The following JARID2 variants were observed in gnomAD, a reference collection of about 807,000 sequenced individuals.
The protein encoded by JARID2 is protein Jumonji.
A neutral mutation model predicts 125.6 loss-of-function variants in JARID2; 21 were observed. The observed-to-expected ratio is 0.17, with a 90% CI of 0.12 to 0.24. JARID2 has a LOEUF of 0.24. Among genes scored for constraint, JARID2 ranks in the 10% least tolerant of loss-of-function variants. The pLI is 1.00. For synonymous variants in JARID2, 736 were observed against 661.6 expected, an observed-to-expected ratio of 1.11 and a Z score of -1.73; for missense variants, 1,303 against 1,639.6, an observed-to-expected ratio of 0.79 and a Z score of 3.55.
intron 1 of JARID2, among the ~76,000 whole-genome samples, chr6:15,301,453 G>A (rs1056424003): frequency 4.6e-5 from 7 of 151,964 alleles, no homozygotes; most frequent in African/African-American, 1.2e-4. Context: ...CCTCTCACCC[G>A]GGTTTCATCT....
At chr6:15,403,484 A>G (rs1765521097) in intron 2 of JARID2, among the ~76,000 whole-genome samples, 1 of 152,110 alleles carries the variant, frequency 6.6e-6, no homozygotes, top group Non-Finnish European at 1.5e-5. Context: ...AATAGGAGAT[A>G]TCTGCTGGGT....
intron 3 of JARID2, among the ~76,000 whole-genome samples, chr6:15,447,570 C>A (rs1332364983): frequency 6.6e-6 from 1 of 152,178 alleles, no homozygotes. Flanking sequence ...CTCTTCAACC[C>A]CAGGAACCCC....
At chr6:15,469,424 T>TTTTCCTTTC (rs1287841422) in intron 5 of JARID2, among the ~76,000 whole-genome samples, 1 of 98,970 alleles carries the variant, frequency 1.0e-5, no homozygotes, top group Non-Finnish European at 2.0e-5. Flanking sequence ...GCTTCTCCGC[T>TTTTCCTTTC]TTTCCTTTCT....
intron 1 of JARID2, among the ~76,000 whole-genome samples, chr6:15,333,476 G>A (rs1022233214): frequency 3.3e-4 from 50 of 152,096 alleles, no homozygotes; most frequent in Admixed American, 3.1e-3. Flanking sequence ...CGTGTATGGC[G>A]TCTTTCACTT....
chr6:15,463,242 A>G (rs1228896086), intron 4 of JARID2, among the ~76,000 whole-genome samples: 1 of 152,128 alleles, frequency 6.6e-6, no homozygotes, highest in African/African-American at 2.4e-5. Context: ...AACCTCTAAA[A>G]CATACAGCTT....
At chr6:15,407,419 G>T (rs537937889) in intron 2 of JARID2, among the ~76,000 whole-genome samples, 1 of 152,278 alleles carries the variant, frequency 6.6e-6, no homozygotes, top group East Asian at 1.9e-4. Flanking sequence ...GATTCATTTT[G>T]TCAGGAGGAC....
At chr6:15,285,383 C>A (rs1012929482) in intron 1 of JARID2, among the ~76,000 whole-genome samples, 16 of 152,074 alleles carry the variant, frequency 1.1e-4, no homozygotes, top group African/African-American at 3.9e-4. Context: ...CCTCGGCCTC[C>A]TAAAGTGCTG....
intron 1 of JARID2, among the ~76,000 whole-genome samples, chr6:15,338,306 T>A (rs1404414539): frequency 6.6e-6 from 1 of 152,208 alleles, no homozygotes; most frequent in Non-Finnish European, 1.5e-5. Flanking sequence ...ACTCCCAGCT[T>A]ATACTCCTCT....
At chr6:15,414,712 A>G (rs1209999591) in intron 3 of JARID2, among the ~76,000 whole-genome samples, 1 of 151,942 alleles carries the variant, frequency 6.6e-6, no homozygotes, top group African/African-American at 2.4e-5. Context: ...TCTTGTTTTT[A>G]GTTCTAGATG....
intron 1 of JARID2, among the ~76,000 whole-genome samples, chr6:15,326,604 C>G (rs565462235): frequency 6.6e-6 from 1 of 152,308 alleles, no homozygotes; most frequent in African/African-American, 2.4e-5. Flanking sequence ...CAGACTCAGA[C>G]AGTTCTCATG....
At chr6:15,357,569 GTCTC>G (rs994171067) in intron 1 of JARID2, among the ~76,000 whole-genome samples, 1 of 152,124 alleles carries the variant, frequency 6.6e-6, no homozygotes, top group Non-Finnish European at 1.5e-5. Flanking sequence ...AAAGGGAAAA[GTCTC>G]TCTAAGCAAA....
At chr6:15,412,722 T>G (rs1186627843) in intron 3 of JARID2, among the ~76,000 whole-genome samples, 1 of 152,202 alleles carries the variant, frequency 6.6e-6, no homozygotes, top group Non-Finnish European at 1.5e-5. Flanking sequence ...GTATGAACCC[T>G]GCCTTCAAAA....
At chr6:15,380,798 A>G (rs1764552073) in intron 2 of JARID2, among the ~76,000 whole-genome samples, 1 of 152,238 alleles carries the variant, frequency 6.6e-6, no homozygotes, top group African/African-American at 2.4e-5. Context: ...ATTGTTAACA[A>G]AATATGTTCA....
intron 2 of JARID2, among the ~76,000 whole-genome samples, chr6:15,392,248 A>T (rs145203625): frequency 2.1e-3 from 318 of 152,250 alleles, no homozygotes; most frequent in Non-Finnish European, 2.8e-3. Flanking sequence ...TTTGTATACG[A>T]AGTTTTCCTT....
chr6:15,415,018 T>TAAC (rs1766075248), intron 3 of JARID2, among the ~76,000 whole-genome samples: 1 of 152,276 alleles, frequency 6.6e-6, no homozygotes, highest in Admixed American at 6.5e-5. Flanking sequence ...TGATGACTCT[T>TAAC]AACGAGCATG....
intron 1 of JARID2, chr6:15,315,067 A>AT (rs1329319811): frequency 6.6e-6 from 1 of 152,242 alleles, no homozygotes; most frequent in Non-Finnish European, 1.5e-5. Context: ...AGTTTCTAAA[A>AT]TTGAAGAATA....
intron 2 of JARID2, among the ~76,000 whole-genome samples, chr6:15,388,897 T>G (rs917667401): frequency 3.9e-5 from 6 of 152,120 alleles, no homozygotes; most frequent in Non-Finnish European, 8.8e-5. Flanking sequence ...TCCTGTGTGA[T>G]CTGCCCTGCC....
chr6:15,440,774 C>G (rs533224562), intron 3 of JARID2, among the ~76,000 whole-genome samples: 11 of 152,190 alleles, frequency 7.2e-5, no homozygotes, highest in African/African-American at 2.7e-4. Context: ...AGAGCTCAAA[C>G]AGTCAGAAGG....
intron 1 of JARID2, among the ~76,000 whole-genome samples, chr6:15,300,157 A>G (rs1337334053): frequency 6.6e-6 from 1 of 152,222 alleles, no homozygotes. Flanking sequence ...GGGTTGGGAT[A>G]GGCAGAAATC....
Sources: allele counts gnomAD v4.1 joint callset (sites outside exome capture counted in the v4.1 genomes callset), GRCh38; gene constraint gnomAD v4.1.1; transcripts MANE v1.5; gene names NCBI Gene and HGNC (gene_info 2026-07-23, HGNC 2026-07-21).